TENM1: variants seen among roughly 807,000 people sequenced by gnomAD.
TENM1 encodes the protein teneurin transmembrane protein 1.
TENM1 carries 35 observed loss-of-function variants against 174.8 expected under a neutral mutation model. The ratio of observed to expected loss-of-function variants is 0.20; its 90% CI spans 0.15 to 0.27. TENM1 has a LOEUF of 0.27. TENM1 is among the 10% of genes least tolerant of loss of function. The pLI, the probability that TENM1 is intolerant of heterozygous loss-of-function variation, is 1.00. For synonymous variants in TENM1, 781 were observed against 798.7 expected, an observed-to-expected ratio of 0.98 and a Z score of 0.37; for missense variants, 1,633 against 2,130.1, an observed-to-expected ratio of 0.77 and a Z score of 4.59.
intron 11 of TENM1, among the ~76,000 whole-genome samples, chrX:124,639,023 T>G (rs1170548809): frequency 8.9e-6 from 1 of 111,912 alleles, no homozygotes; most frequent in Non-Finnish European, 1.9e-5. Flanking sequence ...ACATTGCACA[T>G]GTCTCTTAGT....
the TENM1 span, among the ~76,000 whole-genome samples, chrX:125,089,199 G>A: frequency 1.8e-5 from 2 of 111,424 alleles, no homozygotes; most frequent in Non-Finnish European, 3.8e-5. Context: ...ATAAATTTTC[G>A]GGGTCATTTT....
the TENM1 span, among the ~76,000 whole-genome samples, chrX:125,157,433 A>G: frequency 1.8e-5 from 2 of 112,315 alleles, no homozygotes; most frequent in African/African-American, 6.5e-5. Context: ...ACAATGCTGC[A>G]TGCAGATAGA....
chrX:124,886,721 A>G (rs1008059194), intron 3 of TENM1, among the ~76,000 whole-genome samples: 2 of 98,781 alleles, frequency 2.0e-5, no homozygotes, highest in African/African-American at 7.4e-5. Context: ...CATAATATGT[A>G]GTGAAGGTTT....
At chrX:124,550,901 G>A (rs2048547134) in intron 14 of TENM1, among the ~76,000 whole-genome samples, 1 of 111,117 alleles carries the variant, frequency 9.0e-6, no homozygotes, top group African/African-American at 3.3e-5. Context: ...TGGGATTACA[G>A]GCACCTGCCA....
intron 1 of TENM1, among the ~76,000 whole-genome samples, chrX:124,923,179 T>C (rs1245376586): frequency 8.9e-6 from 1 of 111,867 alleles, no homozygotes; most frequent in African/African-American, 3.2e-5. Flanking sequence ...TATCATTCCA[T>C]ACAGTTACAT....
the TENM1 span, among the ~76,000 whole-genome samples, chrX:125,027,611 C>CTTTTTTTTTTTTTTTT: frequency 2.4e-5 from 2 of 83,088 alleles, no homozygotes; most frequent in Non-Finnish European, 4.7e-5. Flanking sequence ...TTTTCTTTTT[C>CTTTTTTTTTTTTTTTT]TTTTTTTTTT....
chrX:125,157,813 C>A, the TENM1 span, among the ~76,000 whole-genome samples: 1 of 111,834 alleles, frequency 8.9e-6, no homozygotes, highest in Non-Finnish European at 1.9e-5. Flanking sequence ...TCCCAAAACA[C>A]TTCACTTAAA....
chrX:125,046,212 T>C, the TENM1 span, among the ~76,000 whole-genome samples: 2 of 111,999 alleles, frequency 1.8e-5, no homozygotes, highest in Non-Finnish European at 3.8e-5. Flanking sequence ...AAAGGTGTTA[T>C]TTTTATCCAT....
chrX:125,145,018 G>C, the TENM1 span, among the ~76,000 whole-genome samples: 1 of 111,353 alleles, frequency 9.0e-6, no homozygotes, highest in South Asian at 3.8e-4. Flanking sequence ...AAAGTGCTAG[G>C]ATTACAGGCG....
At chrX:125,187,273 A>G in the TENM1 span, among the ~76,000 whole-genome samples, 1 of 111,965 alleles carries the variant, frequency 8.9e-6, no homozygotes. Context: ...AACAAAAGAG[A>G]AAAAAGTCAT....
intron 11 of TENM1, among the ~76,000 whole-genome samples, chrX:124,639,135 C>T (rs1305438906): frequency 1.8e-5 from 2 of 111,891 alleles, no homozygotes; most frequent in Non-Finnish European, 3.8e-5. Flanking sequence ...AGAAGAAATG[C>T]AAATTCCTCA....
intron 3 of TENM1, among the ~76,000 whole-genome samples, chrX:124,833,642 T>C (rs889600148): frequency 2.7e-5 from 3 of 111,419 alleles, no homozygotes; most frequent in Admixed American, 9.6e-5. Context: ...TCCCCAAATA[T>C]AAATAAGTAC....
rs377019813 is a variant in TENM1, at chrX:124,958,920, CT to C, written c.217+4616del. 4.3e-3 allele frequency among the ~76,000 whole-genome samples: 473 copies of C among 111,007 alleles called. 1 individual carries two copies. Among genetic ancestry groups the C allele is most frequent in the African/African-American group, 0.014 (441 of 30,550 alleles). On this transcript the variant is annotated intron_variant, in intron 1 of 31. Coordinates refer to ENST00000422452, the Ensembl canonical transcript of TENM1. Reference sequence around the variant, plus strand: ...AAAAGCAGATTCAGAGCTGAAGTATCTTGCTTAAGTTTACATAACTAGTAAA... The same window carrying C: ...AAAAGCAGATTCAGAGCTGAAGTATCTGCTTAAGTTTACATAACTAGTAAA...
intron 3 of TENM1, among the ~76,000 whole-genome samples, chrX:124,872,026 G>A (rs1411585423): frequency 2.6e-5 from 2 of 77,251 alleles, no homozygotes; most frequent in Non-Finnish European, 4.5e-5. Context: ...GCGAGACTCT[G>A]TCTCAAAAAA....
chrX:124,663,621 C>T (rs1300828143), intron 6 of TENM1, among the ~76,000 whole-genome samples: 1 of 111,847 alleles, frequency 8.9e-6, no homozygotes, highest in African/African-American at 3.2e-5. Context: ...TTTGAAAGGA[C>T]TAGTCCAGGA....
At chrX:125,161,201 T>G in the TENM1 span, among the ~76,000 whole-genome samples, 1 of 111,109 alleles carries the variant, frequency 9.0e-6, no homozygotes, top group South Asian at 3.8e-4. Context: ...CTGAGCATTC[T>G]CAAGTCACTT....
chrX:124,554,041 G>A (rs186002667), intron 14 of TENM1, among the ~76,000 whole-genome samples: 60 of 111,253 alleles, frequency 5.4e-4, no homozygotes, highest in African/African-American at 1.7e-3. Context: ...ACCAGGAGGT[G>A]GAGGTTGCAG....
intron 2 of TENM1, 23 bp from the exon 6 acceptor site, chrX:124,894,375 A>C (rs369954184): frequency 5.0e-5 from 57 of 1,139,978 alleles, no homozygotes; most frequent in Non-Finnish European, 6.1e-5. Flanking sequence ...ACATTTCACT[A>C]GTTAAGCCTT....
At chrX:125,037,462 A>G in the TENM1 span, among the ~76,000 whole-genome samples, 1 of 111,019 alleles carries the variant, frequency 9.0e-6, no homozygotes, top group Admixed American at 9.6e-5. Context: ...TATTTAACCT[A>G]TACTTTATCT....
Sources: gnomAD v4.1 joint callset for allele counts (sites outside exome capture counted in the v4.1 genomes callset) on GRCh38, gnomAD v4.1.1 for gene constraint, MANE v1.5 for transcripts, NCBI Gene and HGNC (gene_info 2026-07-23, HGNC 2026-07-21) for gene names.